Variants in RPGRIP1 observed in about 807,000 individuals in gnomAD.
RPGRIP1 encodes the protein X-linked retinitis pigmentosa GTPase regulator-interacting protein 1.
In RPGRIP1, 128 loss-of-function variants were observed where a neutral mutation model predicts 157.9. That is an observed-to-expected ratio of 0.81 (90% CI 0.70 to 0.94). The LOEUF is 0.94. Among genes scored for constraint, RPGRIP1 ranks in the 40% least tolerant of loss-of-function variants. RPGRIP1 has a pLI of 0.00. For missense variants in RPGRIP1, 1,486 were observed against 1,545.8 expected, an observed-to-expected ratio of 0.96 and a Z score of 0.65; for synonymous variants, 554 against 571.6, an observed-to-expected ratio of 0.97 and a Z score of 0.44.
chr14:21,313,009 A>G (rs1881603653), intron 10 of RPGRIP1, among the ~76,000 whole-genome samples: 1 of 150,612 alleles, frequency 6.6e-6, no homozygotes, highest in African/African-American at 2.4e-5. Flanking sequence ...ATTTTTTTCT[A>G]TTTTTTTGTA....
chr14:21,290,340 T>C (rs1301454831), intron 2 of RPGRIP1, among the ~76,000 whole-genome samples: 4 of 152,210 alleles, frequency 2.6e-5, no homozygotes, highest in Non-Finnish European at 5.9e-5. Context: ...TTGTTATTGT[T>C]TGTAACTGAG....
chr14:21,320,569 G>A (rs1039975103), intron 12 of RPGRIP1, among the ~76,000 whole-genome samples: 5 of 148,436 alleles, frequency 3.4e-5, no homozygotes, highest in African/African-American at 1.2e-4. Flanking sequence ...GGGATTACAG[G>A]CGTAAGCCAC....
In RPGRIP1 at chr14:21,324,924, T is replaced by A. The variant is rs781576477; in HGVS notation, c.2069T>A (p.Phe690Tyr). The A allele has an allele frequency of 1.2e-6, 2 of 1,614,024 alleles. No individual in the cohort carries two copies. The highest frequency in any genetic ancestry group is 3.3e-5 in the Admixed American group (2 of 60,024). Residue 690 changes from phenylalanine (F) to tyrosine (Y), a missense_variant, in exon 15 of 25, where the codon TTC becomes TAC. Phe to Tyr is a conservative substitution (Grantham distance 22). Transcript: ENST00000400017. ...SQYVMETDSL[F>Y]LHYLQEASAR... ...TATGTGATGGAGACAGATTCGCTTT[T>A]CTTACACTACCTTCAAGAGGCTTCA... is the stretch of plus-strand genomic sequence containing the variant.
rs748493769 is a variant in RPGRIP1, at chr14:21,324,822, A to G, written c.1967A>G (p.Tyr656Cys). The G allele has an allele frequency of 1.9e-6, 3 of 1,613,792 alleles. No individual in the cohort carries two copies. Among genetic ancestry groups the G allele is most frequent in the Admixed American group, 1.7e-5 (1 of 59,986 alleles). Residue 656 changes from tyrosine (Y) to cysteine (C), a missense_variant, in exon 15 of 25, where the codon TAT (tyrosine) becomes TGT (cysteine). By Grantham distance (194) the Tyr-to-Cys change is radical (BLOSUM62 -2). Transcript: ENST00000400017. ...GDTQPTTFCT[Y>C]SFYDFETHCT... ...ACCCAACCTACCACTTTCTGCACCT[A>G]TTCCTTCTATGACTTTGAAACCCAC...
In RPGRIP1 at chr14:21,343,866, G is replaced by GTTTTTTTTTTTTTTTTTTT. The variant is rs67535379; in HGVS notation, c.3532+661_3532+679dup. Among the ~76,000 whole-genome samples, 6 of 50,440 alleles carry GTTTTTTTTTTTTTTTTTTT rather than the reference G, an allele frequency of 1.2e-4. 3 individuals carry two copies. Among genetic ancestry groups the GTTTTTTTTTTTTTTTTTTT allele is most frequent in the African/African-American group, 1.5e-4 (2 of 13,036 alleles). 33.1% of individuals were successfully genotyped at this position (50,440 alleles called of 152,430 possible). ...TGATTTTTGTTCTTCCTCTTTTCCT[G>GTTTTTTTTTTTTTTTTTTT]TTTTTTTTTTTTTTTTTTTTTTTTT... On this transcript the variant is annotated intron_variant, in intron 22 of 24. Transcript: ENST00000400017.
At chr14:21,319,012 A>G (rs971294384) in intron 11 of RPGRIP1, among the ~76,000 whole-genome samples, 2 of 152,082 alleles carry the variant, frequency 1.3e-5, no homozygotes, top group African/African-American at 2.4e-5. Flanking sequence ...CCTAGCCTGG[A>G]CCTTAATATT....
chr14:21,338,689 A>T (rs1465090989), intron 21 of RPGRIP1, among the ~76,000 whole-genome samples: 4 of 152,236 alleles, frequency 2.6e-5, no homozygotes, highest in Non-Finnish European at 4.4e-5. Context: ...TCAGTTCTGT[A>T]TAGTCCAACC....
intron 8 of RPGRIP1, 94 bp from the exon 9 acceptor site, chr14:21,311,730 A>G: frequency 1.0e-6 from 1 of 961,642 alleles, no homozygotes; most frequent in Middle Eastern, 2.4e-4. Context: ...ATTCTTTGTG[A>G]CATCTGTTAG....
chr14:21,289,401 C>T (rs1393266099), intron 2 of RPGRIP1, among the ~76,000 whole-genome samples: 1 of 152,044 alleles, frequency 6.6e-6, no homozygotes, highest in African/African-American at 2.4e-5. Context: ...ACCAGCTACT[C>T]GAGGCTGAGG....
At position 21,306,425 on chromosome 14, in the gene RPGRIP1, G is replaced by A. The variant is rs1006175358; in HGVS notation, c.801-1306G>A. On this transcript the variant is annotated intron_variant, in intron 6 of 24. Transcript: ENST00000400017. ...TGGGATTACAGGCGTGAGCCCCTGC[G>A]CCCAGCCTAATCTTCTTTCTATTAT... Among the ~76,000 whole-genome samples, 7 of 151,120 alleles carry A rather than the reference G, an allele frequency of 4.6e-5. 1 individual carries two copies. In the Middle Eastern group the frequency reaches 0.01, roughly 220 times the overall value.
chr14:21,287,854 A>T, intron 1 of RPGRIP1, 85 bp from the exon 2 acceptor site: 1 of 657,104 alleles, frequency 1.5e-6, no homozygotes. Flanking sequence ...GAAAGTGCTG[A>T]GAAATTCCTG....
intron 22 of RPGRIP1, 85 bp from the exon 23 acceptor site, chr14:21,345,028 A>T (rs764825620): frequency 1.2e-6 from 1 of 857,612 alleles, no homozygotes; most frequent in Non-Finnish European, 2.0e-6. Flanking sequence ...TATGAAAACT[A>T]CCATGAATAC....
intron 1 of RPGRIP1, among the ~76,000 whole-genome samples, chr14:21,283,862 C>T (rs533568990): frequency 1.3e-5 from 2 of 149,600 alleles, no homozygotes; most frequent in South Asian, 2.1e-4. Context: ...AACTCCTGGC[C>T]GCAGGTGATC....
rs1882226592 is a variant in RPGRIP1 at position 21,320,046 on chromosome 14, A to G, written c.1336A>G (p.Thr446Ala). 2 of 1,613,110 alleles carry G rather than the reference A, an allele frequency of 1.2e-6. No homozygotes were observed. Among genetic ancestry groups the G allele is most frequent in the African/African-American group, 1.3e-5 (1 of 75,028 alleles). The change falls in exon 12 of 25, where the codon ACC becomes GCC. Residue 446 changes from threonine (T) to alanine (A), a missense_variant. Coordinates refer to ENST00000400017, the MANE Select transcript of RPGRIP1 (RefSeq NM_020366.4). Reference protein sequence around the residue: ...AQNEDLKLEVTNILQKHKQEV... With the variant: ...AQNEDLKLEVANILQKHKQEV... Reference sequence around the variant, plus strand: ...AAATGAGGATCTGAAGCTTGAAGTCACCAACATACTTCAGAAGCATAAACA... The same window carrying G: ...AAATGAGGATCTGAAGCTTGAAGTCGCCAACATACTTCAGAAGCATAAACA...
At chr14:21,348,021 CTT>C in intron 23 of RPGRIP1, 149 bp from the exon 24 acceptor site, 2 of 612,542 alleles carry the variant, frequency 3.3e-6, no homozygotes, top group South Asian at 5.2e-5. Context: ...CAATTCCTGA[CTT>C]TTTTGCTTAT....
intron 3 of RPGRIP1, among the ~76,000 whole-genome samples, chr14:21,297,551 C>T (rs1880837556): frequency 6.6e-6 from 1 of 152,084 alleles, no homozygotes; most frequent in African/African-American, 2.4e-5. Flanking sequence ...TGGAGTCTAT[C>T]TCTAGGACAC....
At chr14:21,306,752 G>T (rs117111977) in intron 6 of RPGRIP1, among the ~76,000 whole-genome samples, 1 of 146,998 alleles carries the variant, frequency 6.8e-6, no homozygotes, top group Non-Finnish European at 1.5e-5. Context: ...CCACCGTGCC[G>T]GGTGTATTTT....
chr14:21,331,152 G>A lies in RPGRIP1; in HGVS notation c.3238+765G>A, dbSNP rs1373896524. Among the ~76,000 whole-genome samples the A allele has an allele frequency of 5.9e-5, 9 of 151,542 alleles. No individual in the cohort carries two copies. In the East Asian group the frequency reaches 9.9e-4, roughly 17 times the overall value. On this transcript the variant is annotated intron_variant, in intron 20 of 24. Coordinates refer to ENST00000400017, the MANE Select transcript of RPGRIP1 (RefSeq NM_020366.4). ...TCAAACTTCTGACCTTAGGTGATCC[G>A]CCCACCTCAGCCTCCCAAAGTGCTG...
intron 7 of RPGRIP1, among the ~76,000 whole-genome samples, chr14:21,308,733 G>C (rs772974619): frequency 1.3e-5 from 2 of 152,196 alleles, no homozygotes; most frequent in East Asian, 1.9e-4. Context: ...AGAGGGAGAA[G>C]GACTCCAAAG....
Sources: allele counts gnomAD v4.1 joint callset (sites outside exome capture counted in the v4.1 genomes callset), GRCh38; gene constraint gnomAD v4.1.1; transcripts MANE v1.5; gene names NCBI Gene and HGNC (gene_info 2026-07-23, HGNC 2026-07-21).